Variants in EPHB1 observed in about 807,000 individuals in gnomAD.
EPHB1 encodes ephrin type-B receptor 1.
In EPHB1, 30 loss-of-function variants were observed where a neutral mutation model predicts 94.4. That is an observed-to-expected ratio of 0.32 (90% CI 0.24 to 0.43). The LOEUF is 0.43. EPHB1 is among the 20% of genes least tolerant of loss of function. EPHB1 has a pLI of 1.00. For synonymous variants in EPHB1, 522 were observed against 489.1 expected (o/e 1.07, Z -0.89); for missense variants, 1,055 against 1,308.3 (o/e 0.81, Z 2.99).
chr3:135,251,018 A>C (rs1933063467), intron 15 of EPHB1, among the ~76,000 whole-genome samples: 1 of 150,788 alleles, frequency 6.6e-6, no homozygotes. Context: ...TCCTGCCAAT[A>C]TTCCTGGAGT....
At position 135,241,213 on chromosome 3, in the gene EPHB1, C is replaced by T. The variant is rs769540306; in HGVS notation, c.2412C>T (p.Ala804=). Residue 804 remains alanine (A), a synonymous_variant, in exon 13 of 16, where the codon GCC becomes GCT. Transcript: ENST00000398015. The part of the protein sequence containing the change: ...EAIAYRKFTS[A]SDVWSYGIVM... ...TCGCCTACCGCAAGTTCACTTCAGC[C>T]AGCGACGTTTGGAGCTATGGGATCG... 2.5e-6 allele frequency: 4 copies of T among 1,614,174 alleles called. No homozygotes were observed. The South Asian group carries it at 4.4e-5, about 18-fold the overall frequency.
intron 4 of EPHB1, among the ~76,000 whole-genome samples, chr3:135,127,853 C>A (rs1436136667): frequency 1.3e-5 from 2 of 152,152 alleles, no homozygotes; most frequent in African/African-American, 2.4e-5. Flanking sequence ...CAACCGTGCT[C>A]CATGCAGGCT....
At chr3:135,257,249 G>A (rs374477060) in intron 15 of EPHB1, among the ~76,000 whole-genome samples, 1,863 of 152,240 alleles carry the variant, frequency 0.012, 38 homozygotes, top group African/African-American at 0.042. Context: ...GCTTTGTTCC[G>A]TTGCTGGTGA....
intron 1 of EPHB1, among the ~76,000 whole-genome samples, chr3:134,923,784 C>T (rs1394088365): frequency 2.0e-5 from 3 of 152,090 alleles, no homozygotes; most frequent in African/African-American, 7.2e-5. Flanking sequence ...CATAGTGGGC[C>T]CAAGATTTTG....
intron 3 of EPHB1, among the ~76,000 whole-genome samples, chr3:134,954,933 C>T (rs1027097136): frequency 7.9e-5 from 12 of 152,078 alleles, no homozygotes; most frequent in Middle Eastern, 6.8e-3. Flanking sequence ...TTGTGAAGAG[C>T]GTGGGTGGTG....
intron 1 of EPHB1, among the ~76,000 whole-genome samples, chr3:134,887,139 C>T (rs1258394747): frequency 6.6e-6 from 1 of 152,148 alleles, no homozygotes; most frequent in East Asian, 1.9e-4. Flanking sequence ...TGGCCCACTC[C>T]TGTAGCTGCA....
intron 1 of EPHB1, among the ~76,000 whole-genome samples, chr3:134,898,304 A>T (rs757417975): frequency 6.6e-6 from 1 of 152,172 alleles, no homozygotes; most frequent in Non-Finnish European, 1.5e-5. Context: ...ATGAAAAAAA[A>T]TCACTTGATC....
chr3:134,887,393 G>A (rs957533874), intron 1 of EPHB1, among the ~76,000 whole-genome samples: 10 of 152,208 alleles, frequency 6.6e-5, no homozygotes, highest in African/African-American at 2.4e-4. Context: ...CAAGTCACAA[G>A]GACAGCCTGG....
At chr3:135,177,479 A>G (rs931494892) in intron 9 of EPHB1, among the ~76,000 whole-genome samples, 1 of 152,110 alleles carries the variant, frequency 6.6e-6, no homozygotes, top group African/African-American at 2.4e-5. Context: ...CCCCTGACCA[A>G]TTGTGTGGAA....
intron 3 of EPHB1, among the ~76,000 whole-genome samples, chr3:135,019,373 T>C (rs1935913610): frequency 6.6e-6 from 1 of 152,194 alleles, no homozygotes; most frequent in Non-Finnish European, 1.5e-5. Flanking sequence ...GGGAGTCATG[T>C]GTGTGCAAAG....
chr3:134,941,091 G>A (rs962426314), intron 2 of EPHB1, among the ~76,000 whole-genome samples: 17 of 152,324 alleles, frequency 1.1e-4, no homozygotes, highest in African/African-American at 3.6e-4. Flanking sequence ...AGGTTATAAT[G>A]ATGCAGCATC....
At chr3:134,837,603 C>T (rs1223088437) in intron 1 of EPHB1, among the ~76,000 whole-genome samples, 2 of 152,184 alleles carry the variant, frequency 1.3e-5, no homozygotes, top group African/African-American at 4.8e-5. Context: ...CTCTGGGCTG[C>T]ACCCTAGTAG....
At chr3:134,825,690 G>A (rs2036463729) in intron 1 of EPHB1, among the ~76,000 whole-genome samples, 1 of 152,148 alleles carries the variant, frequency 6.6e-6, no homozygotes, top group East Asian at 1.9e-4. Flanking sequence ...GGTGGGGCTT[G>A]TTCTTACTCA....
chr3:134,960,467 C>T (rs1330813784), intron 3 of EPHB1, among the ~76,000 whole-genome samples: 1 of 152,180 alleles, frequency 6.6e-6, no homozygotes, highest in African/African-American at 2.4e-5. Flanking sequence ...GTTAATAATA[C>T]TGAGAAGGCA....
intron 1 of EPHB1, among the ~76,000 whole-genome samples, chr3:134,889,773 G>A (rs1253555281): frequency 6.6e-6 from 1 of 151,636 alleles, no homozygotes; most frequent in Non-Finnish European, 1.5e-5. Context: ...CGCCTTCCGG[G>A]TTCATGCCAT....
At chr3:134,800,444 A>T (rs929241312) in intron 1 of EPHB1, among the ~76,000 whole-genome samples, 2 of 152,212 alleles carry the variant, frequency 1.3e-5, no homozygotes, top group Non-Finnish European at 1.5e-5. Context: ...AAGCCCAAAG[A>T]GGGGAATACC....
At chr3:134,866,904 A>C (rs2108306005) in intron 1 of EPHB1, among the ~76,000 whole-genome samples, 1 of 152,322 alleles carries the variant, frequency 6.6e-6, no homozygotes, top group East Asian at 1.9e-4. Flanking sequence ...CATCTCTTAG[A>C]AAACTCCACA....
intron 12 of EPHB1, among the ~76,000 whole-genome samples, chr3:135,236,197 C>T (rs112058991): frequency 6.1e-4 from 93 of 152,220 alleles, no homozygotes; most frequent in Admixed American, 1.9e-3. Flanking sequence ...GAGGATCTAT[C>T]CTATGCCTCT....
At chr3:134,927,074 G>A (rs1437667889) in intron 2 of EPHB1, among the ~76,000 whole-genome samples, 1 of 152,186 alleles carries the variant, frequency 6.6e-6, no homozygotes, top group Admixed American at 6.5e-5. Flanking sequence ...AGTGGGTGAT[G>A]TCTGGCTAGG....
Sources: gnomAD v4.1 joint callset for allele counts (sites outside exome capture counted in the v4.1 genomes callset) on GRCh38, gnomAD v4.1.1 for gene constraint, MANE v1.5 for transcripts, NCBI Gene and HGNC (gene_info 2026-07-23, HGNC 2026-07-21) for gene names.